ETAA1: variants seen among roughly 807,000 people sequenced by gnomAD.
ETAA1 encodes ewing's tumor-associated antigen 1.
A neutral mutation model predicts 76.8 loss-of-function variants in ETAA1; 49 were observed. That is an observed-to-expected ratio of 0.64 (90% confidence interval 0.51 to 0.81). The LOEUF (loss-of-function observed/expected upper bound fraction) is 0.81, where lower values mean the gene tolerates loss of function less well. Among genes scored for constraint, ETAA1 ranks in the 30% least tolerant of loss-of-function variants. ETAA1 has a pLI of 0.00. For missense variants in ETAA1, 1,099 were observed against 1,074.0 expected (o/e 1.02, Z -0.32); for synonymous variants, 373 against 372.2 (o/e 1.00, Z -0.03).
chr2:67,411,655 T>G lies in ETAA1; in HGVS notation c.*1617T>G, dbSNP rs778851768. On this transcript the variant is annotated 3_prime_UTR_variant, in exon 6 of 6. Coordinates refer to ENST00000272342, the MANE Select transcript of ETAA1 (RefSeq NM_019002.4). ...ATATCACTTTTGCATCACGTTAGAGTTGAAAAATTGTAAGTCAACCATTTT... is the reference window on the plus strand; with the variant it reads ...ATATCACTTTTGCATCACGTTAGAGGTGAAAAATTGTAAGTCAACCATTTT... 1 of 152,056 alleles carries G rather than the reference T, an allele frequency of 6.6e-6. No homozygotes were observed. Among genetic ancestry groups the G allele is most frequent in the African/African-American group, 2.4e-5 (1 of 41,418 alleles). The allele number at this position is 152,056 out of a possible 1,614,324, so 9.4% of individuals were successfully genotyped here.
chr2:67,400,551 C>T (rs1300625046), intron 3 of ETAA1: 3 of 152,058 alleles, frequency 2.0e-5, no homozygotes, highest in African/African-American at 7.2e-5. Flanking sequence ...AATCCAGTAA[C>T]TCTAATATTA....
At chr2:67,406,200 A>C (rs1217635038) in intron 5 of ETAA1, among the ~76,000 whole-genome samples, 1 of 152,052 alleles carries the variant, frequency 6.6e-6, no homozygotes, top group Non-Finnish European at 1.5e-5. Context: ...TTCCTTACCT[A>C]CTAAGCTTCA....
chr2:67,399,644 T>C lies in ETAA1; in HGVS notation c.429+18T>C, dbSNP rs745670512. 1 of 1,541,764 alleles carries C rather than the reference T, an allele frequency of 6.5e-7. No individual in the cohort carries two copies. The highest frequency in any genetic ancestry group is 8.9e-7 in the Non-Finnish European group (1 of 1,123,152). On this transcript the variant is annotated intron_variant, in intron 3 of 5. Coordinates refer to ENST00000272342, the MANE Select transcript of ETAA1 (RefSeq NM_019002.4). ...CTCCTCAGGTAAATATCACTAGTTT[T>C]ACAGTTTGTTTTAAAACAGTGAAGA... is the stretch of plus-strand genomic sequence containing the variant.
chr2:67,399,534 G>A lies in ETAA1; in HGVS notation c.353-16G>A. On this transcript the variant is annotated splice_polypyrimidine_tract_variant and intron_variant, in intron 2 of 5. Transcript: ENST00000272342. ...TTTTTTGTTTAAAATTTATAGAAAT[G>A]TCTTTGTTTCTTTAGGTAAAGGAAG... 6.4e-7 allele frequency: 1 copy of A among 1,555,048 alleles called. No individual in the cohort carries two copies.
At chr2:67,405,509 T>C (rs920514738) in intron 5 of ETAA1, among the ~76,000 whole-genome samples, 174 bp downstream of exon 5, 1 of 152,050 alleles carries the variant, frequency 6.6e-6, no homozygotes, top group Admixed American at 6.5e-5. Flanking sequence ...TTATACGGCA[T>C]TATACAGAGT....
chr2:67,408,370 T>C (rs1180630082), intron 5 of ETAA1, among the ~76,000 whole-genome samples: 2 of 152,178 alleles, frequency 1.3e-5, no homozygotes, highest in African/African-American at 4.8e-5. Flanking sequence ...ATTTGAAAAT[T>C]ATATGAAATC....
In ETAA1 at chr2:67,404,487, C is replaced by T. The variant is rs1203464598; in HGVS notation, c.1805C>T (p.Ala602Val). The T allele has an allele frequency of 1.2e-6, 2 of 1,613,190 alleles. No homozygotes were observed. The highest frequency in any genetic ancestry group is 8.5e-7 in the Non-Finnish European group (1 of 1,179,482). The change falls in exon 5 of 6, where the codon GCA becomes GTA. Residue 602 changes from alanine (A) to valine (V), a missense_variant. By Grantham distance (64) the Ala-to-Val change is moderately conservative. This residue lies in a region of ETAA1 where 761 missense variants were observed against 731.9 expected (regional missense o/e 1.04). Transcript: ENST00000272342. ...CATCAATTAGATAATACCTGGGAAG[C>T]AGATGATGTAGATGATGATTTGTTG... The part of the protein sequence containing the change: ...ACHQLDNTWE[A>V]DDVDDDLLYQ...
chr2:67,397,714 AT>A, intron 1 of ETAA1, 43 bp downstream of exon 1: 1 of 1,518,284 alleles, frequency 6.6e-7, no homozygotes, highest in South Asian at 1.2e-5. Flanking sequence ...TCGGCGCCGC[AT>A]CCCCACATCC....
chr2:67,408,051 T>C (rs532544866), intron 5 of ETAA1, among the ~76,000 whole-genome samples: 2 of 152,334 alleles, frequency 1.3e-5, no homozygotes, highest in African/African-American at 4.8e-5. Flanking sequence ...ATCTGCGTTT[T>C]AGCTTACCTT....
At position 67,403,944 on chromosome 2, in the gene ETAA1, G is replaced by A; in HGVS notation, c.1262G>A (p.Ser421Asn). 1.9e-6 allele frequency: 3 copies of A among 1,610,008 alleles called. No homozygotes were observed. Among genetic ancestry groups the A allele is most frequent in the Non-Finnish European group, 2.5e-6 (3 of 1,178,594 alleles). ...CAAAAGGAAATTTGTACCTTTAATA[G>A]TAAAACTGTTAAAAATACGTCAAGA... Reference protein sequence around the residue: ...TDQKEICTFNSKTVKNTSRAN... With the variant: ...TDQKEICTFNNKTVKNTSRAN... The change falls in exon 5 of 6, where the codon AGT becomes AAT. Residue 421 changes from serine to asparagine, a missense_variant. By Grantham distance (46) the Ser-to-Asn change is conservative (BLOSUM62 1). Coordinates refer to ENST00000272342, the MANE Select transcript of ETAA1 (RefSeq NM_019002.4).
intron 1 of ETAA1, 69 bp downstream of exon 1, chr2:67,397,740 G>A (rs1434976354): frequency 6.9e-7 from 1 of 1,444,382 alleles, no homozygotes; most frequent in South Asian, 1.2e-5. Flanking sequence ...TTGCAACAGG[G>A]AAATCTGGGG....
At chr2:67,399,506 G>A (rs569998581) in intron 2 of ETAA1, 44 bp from the exon 3 acceptor site, 1 of 1,449,988 alleles carries the variant, frequency 6.9e-7, no homozygotes, top group African/African-American at 1.4e-5. Context: ...TTAAAATGGA[G>A]GGTTTTTTGT....
In ETAA1 at chr2:67,404,313, C is replaced by T. The variant is rs1676141752; in HGVS notation, c.1631C>T (p.Ala544Val). 4 of 1,612,490 alleles carry T rather than the reference C, an allele frequency of 2.5e-6. No individual in the cohort carries two copies. The highest frequency in any genetic ancestry group is 1.6e-4 in the Middle Eastern group (1 of 6,068). The part of the protein sequence containing the change: ...NKCILNQSIK[A>V]PVNTDLFGSA... ...TGCATTTTAAATCAGTCTATTAAAGCCCCTGTTAATACTGATCTTTTTGGC... is the reference window on the plus strand; with the variant it reads ...TGCATTTTAAATCAGTCTATTAAAGTCCCTGTTAATACTGATCTTTTTGGC... Residue 544 changes from alanine to valine, a missense_variant, in exon 5 of 6, where the codon GCC becomes GTC. By Grantham distance (64) the Ala-to-Val change is moderately conservative. Coordinates refer to ENST00000272342, the MANE Select transcript of ETAA1 (RefSeq NM_019002.4).
At chr2:67,399,507 G>A (rs1675993386) in intron 2 of ETAA1, 43 bp from the exon 3 acceptor site, 15 of 1,454,644 alleles carry the variant, frequency 1.0e-5, no homozygotes, top group African/African-American at 4.3e-5. Context: ...TAAAATGGAG[G>A]GTTTTTTGTT....
In ETAA1 at chr2:67,399,496, T is replaced by C. The variant is rs1675993139; in HGVS notation, c.353-54T>C. The C allele has an allele frequency of 2.1e-6, 3 of 1,424,300 alleles. No homozygotes were observed. The East Asian group carries it at 6.9e-5, about 33-fold the overall frequency. 88.2% of individuals were successfully genotyped at this position (1,424,300 alleles called of 1,614,324 possible). ...CTTTCTAAGAAGTGACAGCTGTTTT[T>C]TAAAATGGAGGGTTTTTTGTTTAAA... On this transcript the variant is annotated intron_variant, in intron 2 of 5. Coordinates refer to ENST00000272342, the MANE Select transcript of ETAA1 (RefSeq NM_019002.4).
intron 5 of ETAA1, among the ~76,000 whole-genome samples, chr2:67,407,656 ATAAT>A (rs1200971145): frequency 6.6e-6 from 1 of 152,182 alleles, no homozygotes; most frequent in Non-Finnish European, 1.5e-5. Context: ...TTCCGATAAC[ATAAT>A]TAATTAATAC....
intron 1 of ETAA1, among the ~76,000 whole-genome samples, chr2:67,398,657 T>C (rs970327338): frequency 2.0e-5 from 3 of 152,134 alleles, no homozygotes; most frequent in Non-Finnish European, 4.4e-5. Context: ...AATACTCCTA[T>C]AAAGCAATTT....
chr2:67,403,472 G>T lies in ETAA1; in HGVS notation c.790G>T (p.Ala264Ser). The T allele has an allele frequency of 3.7e-6, 6 of 1,613,292 alleles. No individual in the cohort carries two copies. Among genetic ancestry groups the T allele is most frequent in the Non-Finnish European group, 5.1e-6 (6 of 1,179,410 alleles). Residue 264 changes from alanine to serine, a missense_variant, in exon 5 of 6, where the codon GCA becomes TCA. Ala to Ser is a moderately conservative substitution (Grantham distance 99). Around this residue, in one of 3 missense-constraint regions of ETAA1, gnomAD observed 761 missense variants for 731.9 expected, o/e 1.04. Transcript: ENST00000272342. The stretch of plus-strand genomic sequence containing the variant: ...CAAAGGAAACACCAAGATATCTGTG[G>T]CAAATAATCAAAATAGCAGTCAGAA... ...PIKGNTKISV[A>S]NNQNSSQKPF...
intron 1 of ETAA1, 39 bp downstream of exon 1, chr2:67,397,710 C>T (rs1412261154): frequency 1.3e-6 from 2 of 1,529,160 alleles, no homozygotes; most frequent in Middle Eastern, 2.3e-4. Flanking sequence ...GGCTTCGGCG[C>T]CGCATCCCCA....
Sources: gnomAD v4.1 joint callset for allele counts (sites outside exome capture counted in the v4.1 genomes callset) on GRCh38, gnomAD v4.1.1 for gene constraint, gnomAD v4.1.1 regional missense constraint, MANE v1.5 for transcripts, NCBI Gene and HGNC (gene_info 2026-07-23, HGNC 2026-07-21) for gene names.